Variants in FOXK1 observed in about 807,000 individuals in gnomAD.
FOXK1 encodes the protein forkhead box protein K1.
Under a neutral mutation model 51.9 loss-of-function variants are expected in FOXK1, and 19 were observed. That is an observed-to-expected ratio of 0.37 (90% confidence interval 0.26 to 0.54). The LOEUF (loss-of-function observed/expected upper bound fraction) is 0.54. Among genes scored for constraint, FOXK1 ranks in the 20% least tolerant of loss-of-function variants. The pLI is 0.87. For missense variants in FOXK1, 870 were observed against 1,032.7 expected, an observed-to-expected ratio of 0.84 and a Z score of 2.16; for synonymous variants, 537 against 482.6, an observed-to-expected ratio of 1.11 and a Z score of -1.48.
In FOXK1 at chr7:4,748,574, G is replaced by A. The variant is rs1343816848; in HGVS notation, c.747-5885G>A. Among the ~76,000 whole-genome samples the A allele has an allele frequency of 6.6e-6, 1 of 152,154 alleles. No individual in the cohort carries two copies. The highest frequency in any genetic ancestry group is 2.1e-4 in the South Asian group (1 of 4,836). On this transcript the variant is annotated intron_variant, in intron 2 of 8. Transcript: ENST00000328914. The surrounding 1 kb of genome is among the most constrained non-coding windows in gnomAD (Gnocchi z 4.9). ...TGGGATCATCTTCTCCACCATCCTG[G>A]GAATCCCCTCAGGAGGTGGTGGTGG...
chr7:4,725,230 G>A (rs11765781), intron 1 of FOXK1, among the ~76,000 whole-genome samples: 92,283 of 152,208 alleles, frequency 0.61, 30,242 homozygotes, highest in East Asian at 0.81. Context: ...TGCCTCTTGA[G>A]AATAGCAGTG....
At position 4,684,935 on chromosome 7, in the gene FOXK1, C is replaced by T. The variant is rs1779799934; in HGVS notation, c.560+2067C>T. On this transcript the variant is annotated intron_variant, in intron 1 of 8. Transcript: ENST00000328914. ...ATGAAATGTTATCGGTGTATACAGTCCTTGCACATTTATGCTCCAGGGAGC... is the reference window on the plus strand; with the variant it reads ...ATGAAATGTTATCGGTGTATACAGTTCTTGCACATTTATGCTCCAGGGAGC... Among the ~76,000 whole-genome samples the T allele has an allele frequency of 2.0e-5, 3 of 151,644 alleles. No homozygotes were observed. The South Asian group carries it at 6.2e-4, about 31-fold the overall frequency.
rs1318374625 is a variant in FOXK1, at chr7:4,743,995, G to A, written c.746+2972G>A. 1.3e-5 allele frequency among the ~76,000 whole-genome samples: 2 copies of A among 151,986 alleles called. No homozygotes were observed. Among genetic ancestry groups the A allele is most frequent in the East Asian group, 3.9e-4 (2 of 5,160 alleles). On this transcript the variant is annotated intron_variant, in intron 2 of 8. Transcript: ENST00000328914. The surrounding 1 kb of genome is among the most constrained non-coding windows in gnomAD (Gnocchi z 5.3). ...TGGTTCAAGCAATTCCCCTGTCTCA[G>A]CCTTGAGAGTAGGTGGGAATACAGG...
Position 4,767,276 on chromosome 7 carries a change from CTGGA to C in FOXK1, c.*4813_*4816del, listed in dbSNP as rs1219004093. ...AGGACGGAATCGCGCGCTCCTCACG[CTGGA>C]GTAAGTTACGAAACATGATCGTCAG... On this transcript the variant is annotated 3_prime_UTR_variant, in exon 9 of 9. Transcript: ENST00000328914. This position sits in a 1 kb window ranked among gnomAD's most constrained non-coding sequence, Gnocchi z 6.6. The C allele has an allele frequency of 1.3e-5, 2 of 152,258 alleles. No individual in the cohort carries two copies. The highest frequency in any genetic ancestry group is 2.9e-5 in the Non-Finnish European group (2 of 68,056). 9.4% of individuals were successfully genotyped at this position (152,258 alleles called of 1,614,324 possible).
rs905926690 is a variant in FOXK1, at chr7:4,763,003, G to A, written c.*539G>A. 5 of 154,312 alleles carry A rather than the reference G, an allele frequency of 3.2e-5. No individual in the cohort carries two copies. Among genetic ancestry groups the A allele is most frequent in the South Asian group, 2.0e-4 (1 of 4,906 alleles). The allele number at this position is 154,312 out of a possible 1,614,324, so 9.6% of individuals were successfully genotyped here. ...ACATAGAGAGTGTTGGCATTAACTC[G>A]GGGGGTGTCCGATTTCACTTCAGAC... is the stretch of plus-strand genomic sequence containing the variant. On this transcript the variant is annotated 3_prime_UTR_variant, in exon 9 of 9. Coordinates refer to ENST00000328914, the MANE Select transcript of FOXK1 (RefSeq NM_001037165.2).
rs150885952 is a variant in FOXK1, at chr7:4,698,312, G to GTGTATATA, written c.560+15445_560+15446insGTATATAT. Among the ~76,000 whole-genome samples the GTGTATATA allele has an allele frequency of 6.2e-3, 906 of 147,132 alleles. 10 individuals carry two copies. The highest frequency in any genetic ancestry group is 0.022 in the African/African-American group (877 of 40,094). ...TGCGATTTTATATATGTATGTGTGT[G>GTGTATATA]TATATATATATATATATATCGTGCC... is the stretch of plus-strand genomic sequence containing the variant. On this transcript the variant is annotated intron_variant, in intron 1 of 8. Coordinates refer to ENST00000328914, the MANE Select transcript of FOXK1 (RefSeq NM_001037165.2).
chr7:4,755,300 G>T lies in FOXK1; in HGVS notation c.967G>T (p.Asp323Tyr). ...CGTGCAGGCCATCTCCTCCGCCCAG[G>T]ACCGGCAGCTGACCCTGAGCGGGAT... ...LIVQAISSAQ[D>Y]RQLTLSGIYA... Residue 323 changes from aspartate (D) to tyrosine (Y), a missense_variant, in exon 4 of 9, where the codon GAC becomes TAC. By Grantham distance (160) the Asp-to-Tyr change is radical. This residue lies in a region of FOXK1 where 399 missense variants were observed against 475.6 expected (regional missense o/e 0.84). Coordinates refer to ENST00000328914, the MANE Select transcript of FOXK1 (RefSeq NM_001037165.2). This position sits in a 1 kb window ranked among gnomAD's most constrained non-coding sequence, Gnocchi z 6.6. 6.2e-7 allele frequency: 1 copy of T among 1,613,938 alleles called. No individual in the cohort carries two copies. Among genetic ancestry groups the T allele is most frequent in the Non-Finnish European group, 8.5e-7 (1 of 1,180,026 alleles).
At chr7:4,705,554 T>TCTCTCTCTCGCTCTCG (rs895937029) in intron 1 of FOXK1, among the ~76,000 whole-genome samples, 71 of 131,578 alleles carry the variant, frequency 5.4e-4, no homozygotes, top group African/African-American at 2.1e-3. Context: ...TCTCTCTCTC[T>TCTCTCTCTCGCTCTCG]CTCTCGCTCT....
chr7:4,739,897 G>A (rs369037523), intron 1 of FOXK1, among the ~76,000 whole-genome samples: 2 of 152,320 alleles, frequency 1.3e-5, no homozygotes, highest in Middle Eastern at 3.4e-3. Flanking sequence ...AGTTGCCCTG[G>A]CAGACAGGAA....
rs147248936 is a variant in FOXK1 at position 4,730,947 on chromosome 7, C to T, written c.561-9891C>T. Among the ~76,000 whole-genome samples, 21 of 151,846 alleles carry T rather than the reference C, an allele frequency of 1.4e-4. No individual in the cohort carries two copies. The East Asian group carries it at 3.5e-3, about 25-fold the overall frequency. Reference sequence around the variant, plus strand: ...TTTGGGAGGCCGAGGCAGGAGGATCCCTTGAGGCCAGGAGTTGGAGACTAG... The same window carrying T: ...TTTGGGAGGCCGAGGCAGGAGGATCTCTTGAGGCCAGGAGTTGGAGACTAG... On this transcript the variant is annotated intron_variant, in intron 1 of 8. Transcript: ENST00000328914. This position sits in a 1 kb window ranked among gnomAD's most constrained non-coding sequence, Gnocchi z 4.7.
intron 1 of FOXK1, among the ~76,000 whole-genome samples, chr7:4,690,711 T>C (rs1779880380): frequency 6.6e-6 from 1 of 151,342 alleles, no homozygotes; most frequent in African/African-American, 2.5e-5. Context: ...GATGTAGTGG[T>C]GTTCATATTT....
At chr7:4,726,367 C>G (rs567193399) in intron 1 of FOXK1, among the ~76,000 whole-genome samples, 28 of 152,272 alleles carry the variant, frequency 1.8e-4, no homozygotes, top group African/African-American at 6.7e-4. Flanking sequence ...GCGTTTCCTC[C>G]ATCAGCTTTA....
In FOXK1 at chr7:4,761,225, C is replaced by T. The variant is rs762122739; in HGVS notation, c.1858C>T (p.Arg620Trp). 5 of 1,613,166 alleles carry T rather than the reference C, an allele frequency of 3.1e-6. No homozygotes were observed. The highest frequency in any genetic ancestry group is 3.3e-5 in the Admixed American group (2 of 60,030). ...VTLGQHHLPV[R>W]AVTQNGKHAV... is the part of the protein sequence containing the mutation. Reference sequence around the variant, plus strand: ...CCTCGGGCAGCACCACCTTCCAGTCCGGGCCGTGACCCAGAACGGAAAGCA... The same window carrying T: ...CCTCGGGCAGCACCACCTTCCAGTCTGGGCCGTGACCCAGAACGGAAAGCA... The change falls in exon 8 of 9, where the codon CGG becomes TGG. Residue 620 changes from arginine (R) to tryptophan (W), a missense_variant. By Grantham distance (101) the Arg-to-Trp change is moderately radical. This residue lies in a region of FOXK1 where 457 missense variants were observed against 510.8 expected (regional missense o/e 0.89). Coordinates refer to ENST00000328914, the MANE Select transcript of FOXK1 (RefSeq NM_001037165.2). The surrounding 1 kb of genome is among the most constrained non-coding windows in gnomAD (Gnocchi z 6.2).
At chr7:4,752,110 G>A (rs964295319) in intron 2 of FOXK1, among the ~76,000 whole-genome samples, 1 of 151,928 alleles carries the variant, frequency 6.6e-6, no homozygotes, top group Non-Finnish European at 1.5e-5. Flanking sequence ...GCATTACCAC[G>A]CCCAGCTAAT....
intron 2 of FOXK1, among the ~76,000 whole-genome samples, chr7:4,742,974 G>A (rs570174508): frequency 3.9e-5 from 6 of 152,288 alleles, no homozygotes; most frequent in Non-Finnish European, 5.9e-5. Context: ...GAGAGGCCCC[G>A]GGCTCAGGCC....
intron 1 of FOXK1, among the ~76,000 whole-genome samples, chr7:4,698,769 G>A (rs1013746985): frequency 6.6e-6 from 1 of 152,146 alleles, no homozygotes; most frequent in African/African-American, 2.4e-5. Context: ...ACCCAGGCTG[G>A]TCTCAAACTC....
intron 2 of FOXK1, among the ~76,000 whole-genome samples, chr7:4,746,008 T>TAAGAAAAC (rs1175495501): frequency 8.5e-5 from 13 of 152,240 alleles, no homozygotes; most frequent in Non-Finnish European, 7.3e-5. Context: ...GGTAGAGTTT[T>TAAGAAAAC]AAGAAAACTG....
rs7802515 is a variant in FOXK1, at chr7:4,758,649, C to T, written c.1245-402C>T. The T allele has an allele frequency of 0.075, 14,731 of 197,130 alleles. 1,284 individuals are homozygous for T. The highest frequency in any genetic ancestry group is 0.23 in the African/African-American group (9,831 of 42,848). 12.2% of individuals were successfully genotyped at this position (197,130 alleles called of 1,614,324 possible). Reference sequence around the variant, plus strand: ...AGCATTTAAACTGAGCTCCAAATGACGTTCAAACACCCCTCTCGGGTAGAG... The same window carrying T: ...AGCATTTAAACTGAGCTCCAAATGATGTTCAAACACCCCTCTCGGGTAGAG... On this transcript the variant is annotated intron_variant, in intron 5 of 8. Coordinates refer to ENST00000328914, the MANE Select transcript of FOXK1 (RefSeq NM_001037165.2). The surrounding 1 kb of genome is among the most constrained non-coding windows in gnomAD (Gnocchi z 4.4).
intron 1 of FOXK1, among the ~76,000 whole-genome samples, chr7:4,687,797 TG>T (rs1282523258): frequency 1.3e-5 from 2 of 152,242 alleles, no homozygotes; most frequent in Non-Finnish European, 2.9e-5. Flanking sequence ...CTTCTGTTTG[TG>T]GTAACTTTGA....
Sources: gnomAD v4.1 joint callset for allele counts (sites outside exome capture counted in the v4.1 genomes callset) on GRCh38, gnomAD v4.1.1 for gene constraint, gnomAD v4.1.1 regional missense constraint, Gnocchi (gnomAD v3.1) non-coding constraint, MANE v1.5 for transcripts, NCBI Gene and HGNC (gene_info 2026-07-23, HGNC 2026-07-21) for gene names.